GPR179: variants seen among roughly 807,000 people sequenced by gnomAD.
GPR179 encodes probable G protein-coupled receptor 179.
Under a neutral mutation model 70.8 loss-of-function variants are expected in GPR179, and 52 were observed. The observed-to-expected ratio is 0.73, with a 90% CI of 0.59 to 0.93. GPR179 has a LOEUF of 0.93. Ranked by LOEUF, GPR179 falls within the 40% of genes least tolerant of loss-of-function variation. The probability of loss-of-function intolerance (pLI) is 0.00; values close to 1 mark genes in which losing one functional copy is unlikely to be tolerated. For missense variants in GPR179, 2,734 were observed against 2,966.8 expected (o/e 0.92, Z 1.82); for synonymous variants, 1,123 against 1,169.0 (o/e 0.96, Z 0.80).
intron 10 of GPR179, among the ~76,000 whole-genome samples, chr17:38,332,572 C>T (rs1417716003): frequency 1.3e-5 from 2 of 152,172 alleles, no homozygotes; most frequent in African/African-American, 4.8e-5. Context: ...CCCTAGGTGC[C>T]CTAGGCACCA....
In GPR179 at chr17:38,325,015, CTGTACTGT is replaced by C. The variant is rs1233703152; in HGVS notation, c.*1442_*1449del. Among the ~76,000 whole-genome samples, 2 of 152,186 alleles carry C rather than the reference CTGTACTGT, an allele frequency of 1.3e-5. No homozygotes were observed. Among genetic ancestry groups the C allele is most frequent in the East Asian group, 1.9e-4 (1 of 5,202 alleles). On this transcript the variant is annotated 3_prime_UTR_variant, in exon 11 of 11. Transcript: ENST00000616987. ...TTCTCCCCATGAATGACATCAATGT[CTGTACTGT>C]TGTACTGTTAGAGGGCGTGACTTAC...
Position 38,328,058 on chromosome 17 carries a change from A to G in GPR179, c.5511T>C (p.Ser1837=), listed in dbSNP as rs768572054. The change falls in exon 11 of 11, where the codon AGT becomes AGC. Residue 1837 remains serine, a synonymous_variant. Transcript: ENST00000616987. ...CTTTCTCCCTCTGCTCTGCTGATTCACTCCCTGCCTTTTGGTCCAATCCCT... is the reference window on the plus strand; with the variant it reads ...CTTTCTCCCTCTGCTCTGCTGATTCGCTCCCTGCCTTTTGGTCCAATCCCT... ...TGKGLDQKAG[S]ESAEQREKAL... is the part of the protein sequence containing the mutation. The G allele has an allele frequency of 4.3e-6, 7 of 1,613,176 alleles. No homozygotes were observed. The African/African-American group carries it at 9.4e-5, about 22-fold the overall frequency.
rs1048087362 is a variant in GPR179, at chr17:38,325,325, A to G, written c.*1140T>C. Among the ~76,000 whole-genome samples, 1 of 152,158 alleles carries G rather than the reference A, an allele frequency of 6.6e-6. No individual in the cohort carries two copies. The highest frequency in any genetic ancestry group is 2.4e-5 in the African/African-American group (1 of 41,432). On this transcript the variant is annotated 3_prime_UTR_variant, in exon 11 of 11. Transcript: ENST00000616987. ...CCTTTTCCCAGCTCTCAGGCTTCTAACTTGCCCTGTAGCACTCCTCTTTTA... is the reference window on the plus strand; with the variant it reads ...CCTTTTCCCAGCTCTCAGGCTTCTAGCTTGCCCTGTAGCACTCCTCTTTTA...
chr17:38,334,771 C>G lies in GPR179; in HGVS notation c.1717G>C (p.Glu573Gln), dbSNP rs973151935. 19 of 1,613,688 alleles carry G rather than the reference C, an allele frequency of 1.2e-5. No homozygotes were observed. Among genetic ancestry groups the G allele is most frequent in the Non-Finnish European group, 1.5e-5 (18 of 1,179,974 alleles). ...AGGGCGATGCCCATGTAGCGTGGCT[C>G]ATGGAAGGCCGAGAGCACAGCCCGT... ...ATRAVLSAFHEPRYMGIALHN... is the reference protein window; with the variant it reads ...ATRAVLSAFHQPRYMGIALHN... Residue 573 changes from glutamate (E) to glutamine (Q), a missense_variant, in exon 8 of 11, where the codon GAG becomes CAG. Coordinates refer to ENST00000616987, the MANE Select transcript of GPR179 (RefSeq NM_001004334.4). The surrounding 1 kb of genome is among the most constrained non-coding windows in gnomAD (Gnocchi z 4.7).
Position 38,343,399 on chromosome 17 carries a change from G to C in GPR179, c.391C>G (p.Gln131Glu), listed in dbSNP as rs569023429. The C allele has an allele frequency of 1.2e-6, 2 of 1,614,124 alleles. No homozygotes were observed. The highest frequency in any genetic ancestry group is 3.3e-5 in the Admixed American group (2 of 60,020). Residue 131 changes from glutamine to glutamate, a missense_variant, in exon 1 of 11, where the codon CAG becomes GAG. Transcript: ENST00000616987. The surrounding 1 kb of genome is among the most constrained non-coding windows in gnomAD (Gnocchi z 4.2). ...TCGGCCACGCTGCGGACCAGTGCCT[G>C]GTACCATTCCACATCCTCCTCCACA... is the stretch of plus-strand genomic sequence containing the variant. ...SSVEEDVEWYQALVRSVAEGD... is the reference protein window; with the variant it reads ...SSVEEDVEWYEALVRSVAEGD...
intron 1 of GPR179, 74 bp downstream of exon 1, chr17:38,342,922 C>T: frequency 6.9e-7 from 1 of 1,440,748 alleles, no homozygotes; most frequent in South Asian, 1.3e-5. Context: ...ATGGCCCAGG[C>T]ACAGCTGAGG....
In GPR179 at chr17:38,343,906, C is replaced by G; in HGVS notation, c.-117G>C. 1 of 815,322 alleles carries G rather than the reference C, an allele frequency of 1.2e-6. No individual in the cohort carries two copies. Among genetic ancestry groups the G allele is most frequent in the South Asian group, 2.1e-5 (1 of 48,036 alleles). 50.5% of individuals were successfully genotyped at this position (815,322 alleles called of 1,614,324 possible). A position where few individuals can be genotyped will look rare whatever the true frequency, so the allele number is the denominator to read the frequency against. On this transcript the variant is annotated 5_prime_UTR_variant, in exon 1 of 11. Coordinates refer to ENST00000616987, the MANE Select transcript of GPR179 (RefSeq NM_001004334.4). The surrounding 1 kb of genome is among the most constrained non-coding windows in gnomAD (Gnocchi z 4.2). ...TCCTATGCTGGCGTTCCTTCTTCCT[C>G]TCTCCGTCTCCCTCTCACGCTGGTG...
chr17:38,330,882 C>T lies in GPR179; in HGVS notation c.2687G>A (p.Gly896Glu), dbSNP rs1293009853. 6.2e-7 allele frequency: 1 copy of T among 1,600,922 alleles called. No homozygotes were observed. The change falls in exon 11 of 11, where the codon GGG (glycine) becomes GAG (glutamate). Residue 896 changes from glycine (G) to glutamate (E), a missense_variant. Coordinates refer to ENST00000616987, the MANE Select transcript of GPR179 (RefSeq NM_001004334.4). ...PSARRLERPR[G>E]APLSAPPSPA... ...GGAAGGTGGAGCTGACAGGGGGGCC[C>T]CTCGAGGCCGCTCCAGCCTCCTGGC...
chr17:38,337,999 T>C (rs181568880), intron 2 of GPR179, among the ~76,000 whole-genome samples: 2 of 152,332 alleles, frequency 1.3e-5, no homozygotes, highest in Admixed American at 1.3e-4. Context: ...AGGAGCCTCA[T>C]AGGACCCATT....
chr17:38,336,576 T>C (rs2037405984), intron 4 of GPR179, among the ~76,000 whole-genome samples: 1 of 152,202 alleles, frequency 6.6e-6, no homozygotes, highest in Non-Finnish European at 1.5e-5. Flanking sequence ...GTCTTTCCCA[T>C]GCCATCTCAG....
rs2037269685 is a variant in GPR179, at chr17:38,324,787, C to T, written c.*1678G>A. On this transcript the variant is annotated 3_prime_UTR_variant, in exon 11 of 11. Coordinates refer to ENST00000616987, the MANE Select transcript of GPR179 (RefSeq NM_001004334.4). ...CACTTCAATTACTGCTCCAAAAGCC[C>T]AGAATAAGGGCCCTAGGTAAGAGAA... 6.6e-6 allele frequency among the ~76,000 whole-genome samples: 1 copy of T among 152,192 alleles called. No individual in the cohort carries two copies.
In GPR179 at chr17:38,328,010, AGT is replaced by A; in HGVS notation, c.5557_5558del (p.Thr1853PhefsTer47). The part of the protein sequence containing the change: ...REKALEKGRL[T>X]SLGEDVSKGM... ...CTTTTGATACGTCTTCTCCCAGGGA[AGT>A]GAGTCTCCCCTTTTCTAGAGCTTTC... On this transcript the variant is annotated frameshift_variant, in exon 11 of 11. Transcript: ENST00000616987. LOFTEE classifies it low-confidence loss of function (END_TRUNC). The A allele has an allele frequency of 1.9e-6, 3 of 1,614,084 alleles. No individual in the cohort carries two copies. Among genetic ancestry groups the A allele is most frequent in the Non-Finnish European group, 2.5e-6 (3 of 1,180,004 alleles).
chr17:38,330,539 T>G lies in GPR179; in HGVS notation c.3030A>C (p.Glu1010Asp). ...GGCCTCGCTCTGGCCCTGAGGGGCC[T>G]TCCTGGGGCACATTTTCTTGCTTGG... ...LPAKQENVPQEGPSGPERGHH... is the reference protein window; with the variant it reads ...LPAKQENVPQDGPSGPERGHH... Residue 1010 changes from glutamate (E) to aspartate (D), a missense_variant, in exon 11 of 11, where the codon GAA becomes GAC. Glu to Asp is a conservative substitution (Grantham distance 45, BLOSUM62 2). Coordinates refer to ENST00000616987, the MANE Select transcript of GPR179 (RefSeq NM_001004334.4). The G allele has an allele frequency of 1.3e-6, 2 of 1,566,532 alleles. No homozygotes were observed. Among genetic ancestry groups the G allele is most frequent in the Non-Finnish European group, 1.7e-6 (2 of 1,158,974 alleles).
chr17:38,327,157 C>T lies in GPR179; in HGVS notation c.6412G>A (p.Gly2138Arg), dbSNP rs1217900590. 1 of 1,614,254 alleles carries T rather than the reference C, an allele frequency of 6.2e-7. No homozygotes were observed. Among genetic ancestry groups the T allele is most frequent in the East Asian group, 2.2e-5 (1 of 44,882 alleles). Residue 2138 changes from glycine to arginine, a missense_variant, in exon 11 of 11, where the codon GGA (glycine) becomes AGA (arginine). Physicochemically the swap from Gly to Arg is moderately radical, Grantham distance 125 (BLOSUM62 -2). Coordinates refer to ENST00000616987, the MANE Select transcript of GPR179 (RefSeq NM_001004334.4). ...TCCTGTTCCCCTTCCTCTGCTGCTC[C>T]TCCACCCGCCTCCCAAGGGCAGATC... The part of the protein sequence containing the change: ...AEICPWEAGG[G>R]AAEEGEQERE...
At position 38,328,223 on chromosome 17, in the gene GPR179, A is replaced by G. The variant is rs760097777; in HGVS notation, c.5346T>C (p.Asp1782=). ...CSQHPGTLDA[D]GPKAGFQELD... is the part of the protein sequence containing the mutation. ...GTTCCTGGAACCCAGCTTTTGGTCC[A>G]TCAGCATCTAGAGTACCTGGATGCT... Residue 1782 remains aspartate (D), a synonymous_variant, in exon 11 of 11, where the codon GAT becomes GAC. Transcript: ENST00000616987. The G allele has an allele frequency of 5.0e-6, 8 of 1,613,478 alleles. No homozygotes were observed. The East Asian group carries it at 1.3e-4, about 27-fold the overall frequency.
In GPR179 at chr17:38,329,948, G is replaced by A. The variant is rs2037335828; in HGVS notation, c.3621C>T (p.Ser1207=). The change falls in exon 11 of 11, where the codon TCC becomes TCT. Residue 1207 remains serine, a synonymous_variant. Transcript: ENST00000616987. ...TTGATTGCTTGATGTTTTTGTCCCT[G>A]GAAACTTGCCTCAGCATGGCAAGCC... ...KTGLAMLRQV[S]RDKNIKQSKE... 3.1e-6 allele frequency: 5 copies of A among 1,614,166 alleles called. No individual in the cohort carries two copies. The South Asian group carries it at 4.4e-5, about 14-fold the overall frequency.
intron 2 of GPR179, chr17:38,339,210 G>A: frequency 1.9e-6 from 1 of 529,066 alleles, no homozygotes; most frequent in East Asian, 3.3e-5. Flanking sequence ...GGAGCAGGAG[G>A]AATAGGGGGT....
rs116896787 is a variant in GPR179 at position 38,343,133 on chromosome 17, T to A, written c.657A>T (p.Gly219=). The change falls in exon 1 of 11, where the codon GGA becomes GGT. Residue 219 remains glycine, a synonymous_variant. Coordinates refer to ENST00000616987, the MANE Select transcript of GPR179 (RefSeq NM_001004334.4). This position sits in a 1 kb window ranked among gnomAD's most constrained non-coding sequence, Gnocchi z 4.2. ...TCACCTGCTGCGTGTCCCCCACATA[T>A]CCATCTGCCTGCGGCCACTTGGGGC... ...LGSPKWPQAD[G]YVGDTQQVRL... 2,777 of 1,614,098 alleles carry A rather than the reference T, an allele frequency of 1.7e-3. 3 individuals carry two copies. Among genetic ancestry groups the A allele is most frequent in the Non-Finnish European group, 2.1e-3 (2,534 of 1,180,018 alleles).
rs1170813264 is a variant in GPR179 at position 38,330,118 on chromosome 17, C to T, written c.3451G>A (p.Glu1151Lys). 4 of 1,609,344 alleles carry T rather than the reference C, an allele frequency of 2.5e-6. No individual in the cohort carries two copies. The East Asian group carries it at 6.7e-5, about 27-fold the overall frequency. Residue 1151 changes from glutamate to lysine, a missense_variant, in exon 11 of 11, where the codon GAG (glutamate) becomes AAG (lysine). Physicochemically the swap from Glu to Lys is moderately conservative, Grantham distance 56. Coordinates refer to ENST00000616987, the MANE Select transcript of GPR179 (RefSeq NM_001004334.4). ...QAALIPSDDK[E>K]SLQNQQNAHT... ...GCGTTCTGTTGGTTCTGGAGGGACT[C>T]CTTGTCATCGGAGGGGATAAGAGCG...
Sources: allele counts gnomAD v4.1 joint callset (sites outside exome capture counted in the v4.1 genomes callset), GRCh38; gene constraint gnomAD v4.1.1; non-coding constraint Gnocchi (gnomAD v3.1); transcripts MANE v1.5; gene names NCBI Gene and HGNC (gene_info 2026-07-23, HGNC 2026-07-21).